Variants in MRTFA observed in about 807,000 individuals in gnomAD.
MRTFA encodes the protein myocardin-related transcription factor A.
MRTFA carries 20 observed loss-of-function variants against 83.5 expected under a neutral mutation model. That is an observed-to-expected ratio of 0.24 (90% confidence interval 0.17 to 0.35). The LOEUF (loss-of-function observed/expected upper bound fraction) is 0.35. Among genes scored for constraint, MRTFA ranks in the 10% least tolerant of loss-of-function variants. MRTFA has a pLI of 1.00. For synonymous variants in MRTFA, 659 were observed against 541.2 expected, an observed-to-expected ratio of 1.22 and a Z score of -3.02; for missense variants, 1,200 against 1,224.7, an observed-to-expected ratio of 0.98 and a Z score of 0.30.
chr22:40,544,479 G>A (rs1004546400), intron 3 of MRTFA, among the ~76,000 whole-genome samples: 1 of 152,090 alleles, frequency 6.6e-6, no homozygotes, highest in Non-Finnish European at 1.5e-5. Context: ...CTCCCGCCTT[G>A]GCCTCCCCAA....
chr22:40,525,254 T>C (rs932234080), intron 3 of MRTFA, among the ~76,000 whole-genome samples: 1 of 152,234 alleles, frequency 6.6e-6, no homozygotes, highest in African/African-American at 2.4e-5. Context: ...TTCTGGTGTA[T>C]AGCCTCAAAG....
chr22:40,446,229 T>C (rs1328376247), intron 4 of MRTFA, among the ~76,000 whole-genome samples: 4 of 152,226 alleles, frequency 2.6e-5, no homozygotes, highest in African/African-American at 9.6e-5. Flanking sequence ...AATAACAGTT[T>C]TAGCATCTAC....
intron 4 of MRTFA, among the ~76,000 whole-genome samples, chr22:40,441,728 A>G (rs555965369): frequency 1.1e-4 from 17 of 151,898 alleles, no homozygotes; most frequent in Non-Finnish European, 1.9e-4. Context: ...CGAAGGTTGC[A>G]GTGAGCCGAG....
intron 1 of MRTFA, among the ~76,000 whole-genome samples, chr22:40,596,113 G>C (rs1477542077): frequency 6.6e-6 from 1 of 151,694 alleles, no homozygotes; most frequent in Non-Finnish European, 1.5e-5. Flanking sequence ...TACTGTCTTT[G>C]ATAGTTCTAC....
chr22:40,452,621 C>T (rs372639748), intron 4 of MRTFA, among the ~76,000 whole-genome samples: 6 of 151,748 alleles, frequency 4.0e-5, no homozygotes, highest in African/African-American at 1.2e-4. Flanking sequence ...GTCAGGAGTT[C>T]GAGCATGGTG....
At chr22:40,419,431 G>A in intron 11 of MRTFA, 47 bp from the exon 12 acceptor site, 1 of 1,574,880 alleles carries the variant, frequency 6.3e-7, no homozygotes, top group Non-Finnish European at 8.7e-7. Flanking sequence ...GCTGGACACA[G>A]GGCACTGGGT....
Position 40,436,176 on chromosome 22 carries a change from G to A in MRTFA, c.308-622C>T, listed in dbSNP as rs554893038. On this transcript the variant is annotated intron_variant, in intron 4 of 14. Transcript: ENST00000355630. ...ACCCTGGCCCATGACTGGACCGTCA[G>A]CCGCAAATCCCCCTTCAGCTAGGAC... 1.0e-3 allele frequency: 159 copies of A among 154,976 alleles called. 3 individuals are homozygous for A. In the Middle Eastern group the frequency reaches 0.013, roughly 13 times the overall value. The allele number at this position is 154,976 out of a possible 1,614,324, so 9.6% of individuals were successfully genotyped here.
chr22:40,498,284 T>TATATATATATA (rs2054396317), intron 3 of MRTFA, among the ~76,000 whole-genome samples: 1 of 105,002 alleles, frequency 9.5e-6, no homozygotes, highest in Non-Finnish European at 2.0e-5. Context: ...TTTTTTTTTT[T>TATATATATATA]TTTTTTTTTT....
intron 2 of MRTFA, chr22:40,586,587 T>C (rs919467662): frequency 1.2e-4 from 21 of 172,592 alleles, no homozygotes; most frequent in Non-Finnish European, 2.4e-4. Context: ...CTCTGAAGGA[T>C]TTGTTCAAAA....
intron 3 of MRTFA, among the ~76,000 whole-genome samples, chr22:40,547,421 T>C (rs2055381482): frequency 6.6e-6 from 1 of 152,032 alleles, no homozygotes. Context: ...AAGGCCTCCC[T>C]GAGGAAATGA....
At chr22:40,483,372 A>AT (rs550051844) in intron 3 of MRTFA, among the ~76,000 whole-genome samples, 16,100 of 139,506 alleles carry the variant, frequency 0.12, 1,049 homozygotes, top group East Asian at 0.25. Flanking sequence ...ACCTAAAGTA[A>AT]TTTTTTTTTT....
At chr22:40,622,657 G>A (rs1480167259) in intron 1 of MRTFA, among the ~76,000 whole-genome samples, 1 of 152,164 alleles carries the variant, frequency 6.6e-6, no homozygotes, top group East Asian at 1.9e-4. Context: ...AAAGCCAGTA[G>A]CCACCAGAAG....
intron 4 of MRTFA, among the ~76,000 whole-genome samples, chr22:40,441,248 G>C (rs1473644415): frequency 6.6e-6 from 1 of 152,138 alleles, no homozygotes; most frequent in Non-Finnish European, 1.5e-5. Flanking sequence ...AAATAAGCAA[G>C]CTCCCCAGAG....
At position 40,630,561 on chromosome 22, in the gene MRTFA, A is replaced by G. The variant is rs542292496; in HGVS notation, c.-84+5917T>C. Among the ~76,000 whole-genome samples, 16 of 152,338 alleles carry G rather than the reference A, an allele frequency of 1.1e-4. No individual in the cohort carries two copies. In the South Asian group the frequency reaches 3.3e-3, roughly 32 times the overall value. On this transcript the variant is annotated intron_variant, in intron 1 of 14. Coordinates refer to ENST00000355630, the MANE Select transcript of MRTFA (RefSeq NM_020831.6). ...ACGTAACAAATCTACTTCCTAAAGT[A>G]GTAAAATGGAAGTCATCTTCATTAG... is the stretch of plus-strand genomic sequence containing the variant.
At chr22:40,494,099 T>C (rs2147207102) in intron 3 of MRTFA, among the ~76,000 whole-genome samples, 1 of 152,334 alleles carries the variant, frequency 6.6e-6, no homozygotes, top group Non-Finnish European at 1.5e-5. Flanking sequence ...ATATGGTTTA[T>C]ATGTGTCACG....
At chr22:40,634,560 GTTACAATCATCTGTCATT>G (rs2056674727) in intron 1 of MRTFA, among the ~76,000 whole-genome samples, 1 of 152,116 alleles carries the variant, frequency 6.6e-6, no homozygotes. Context: ...ATTTCAGCGC[GTTACAATCATCTGTCATT>G]TTTTGCCTCT....
At chr22:40,483,935 G>A (rs188565134) in intron 3 of MRTFA, among the ~76,000 whole-genome samples, 124 of 152,022 alleles carry the variant, frequency 8.2e-4, no homozygotes, top group Admixed American at 8.5e-4. Flanking sequence ...TCAAACTCCT[G>A]GACTCAAGTG....
chr22:40,557,705 G>A (rs1208298264), intron 2 of MRTFA, among the ~76,000 whole-genome samples: 1 of 152,148 alleles, frequency 6.6e-6, no homozygotes, highest in Non-Finnish European at 1.5e-5. Context: ...CAAGGCAGGA[G>A]GAAAGGTGAA....
At chr22:40,420,384 A>G in intron 11 of MRTFA, 21 bp downstream of exon 11, 2 of 1,606,210 alleles carry the variant, frequency 1.2e-6, no homozygotes, top group East Asian at 4.5e-5. Flanking sequence ...CAGTGGCTCA[A>G]GTTTTCCAGT....
Sources: gnomAD v4.1 joint callset for allele counts (sites outside exome capture counted in the v4.1 genomes callset) on GRCh38, gnomAD v4.1.1 for gene constraint, MANE v1.5 for transcripts, NCBI Gene and HGNC (gene_info 2026-07-23, HGNC 2026-07-21) for gene names.